Variants in WASF2 observed in about 807,000 individuals in gnomAD.
The protein encoded by WASF2 is WASP family member 2.
WASF2 carries 14 observed loss-of-function variants against 45.0 expected under a neutral mutation model. The observed-to-expected ratio is 0.31, with a 90% CI of 0.21 to 0.49. The LOEUF is 0.49. Among genes scored for constraint, WASF2 ranks in the 20% least tolerant of loss-of-function variants. WASF2 has a pLI of 0.99. For synonymous variants in WASF2, 200 were observed against 236.3 expected (o/e 0.85, Z 1.41); for missense variants, 439 against 636.1 (o/e 0.69, Z 3.33).
rs373306411 is a variant in WASF2 at position 27,461,978 on chromosome 1, CTTTT to C, written c.-44+28004_-44+28007del. On this transcript the variant is annotated intron_variant, in intron 1 of 8. Coordinates refer to ENST00000618852, the MANE Select transcript of WASF2 (RefSeq NM_006990.5). ...CACACGGCCACTCACTATTTTATTA[CTTTT>C]TTTTTTTTTTTTTGAGATGGAGTCT... Among the ~76,000 whole-genome samples the C allele has an allele frequency of 2.3e-5, 3 of 132,852 alleles. No individual in the cohort carries two copies. The Admixed American group carries it at 2.3e-4, about 10-fold the overall frequency. The allele number at this position is 132,852 out of a possible 152,430, so 87.2% of individuals were successfully genotyped here.
rs199816007 is a variant in WASF2 at position 27,418,412 on chromosome 1, T to C, written c.276A>G (p.Gln92=). The change falls in exon 4 of 9, where the codon CAA becomes CAG. Residue 92 remains glutamine, a synonymous_variant. Transcript: ENST00000618852. The stretch of plus-strand genomic sequence containing the variant: ...TGAAGGCTTTTCGGGTGTTGATTCC[T>C]TGCAGTGACACTGAGAGAAGATGGA... ...LDPKEEEVSL[Q]GINTRKAFRS... is the part of the protein sequence containing the mutation. The C allele has an allele frequency of 1.9e-6, 3 of 1,614,236 alleles. No individual in the cohort carries two copies. The highest frequency in any genetic ancestry group is 2.2e-5 in the South Asian group (2 of 91,088).
intron 5 of WASF2, among the ~76,000 whole-genome samples, chr1:27,415,634 G>A (rs776253782): frequency 6.6e-6 from 1 of 152,146 alleles, no homozygotes; most frequent in African/African-American, 2.4e-5. Flanking sequence ...GCTGATCTCT[G>A]AGAAATGAGC....
Position 27,418,948 on chromosome 1 carries a change from T to C in WASF2, c.265+6A>G. The C allele has an allele frequency of 1.9e-6, 3 of 1,613,492 alleles. No homozygotes were observed. The highest frequency in any genetic ancestry group is 2.5e-6 in the Non-Finnish European group (3 of 1,179,550). ...AGCCTGCAAATGCTGAGCTCAGCTT[T>C]CTTACCTTCTTCTTCCTTGGGATCC... On this transcript the variant is annotated splice_donor_region_variant and intron_variant, in intron 3 of 8. Coordinates refer to ENST00000618852, the MANE Select transcript of WASF2 (RefSeq NM_006990.5).
intron 1 of WASF2, among the ~76,000 whole-genome samples, chr1:27,450,807 CCTT>C (rs1166325754): frequency 5.9e-5 from 9 of 152,000 alleles, no homozygotes; most frequent in South Asian, 2.1e-4. Flanking sequence ...CCTCCTTCTC[CCTT>C]CTTTTCTGTT....
chr1:27,462,110 T>C (rs1369938505), intron 1 of WASF2, among the ~76,000 whole-genome samples: 1 of 151,870 alleles, frequency 6.6e-6, no homozygotes, highest in Non-Finnish European at 1.5e-5. Context: ...CCCAAGTAGC[T>C]GGGACTAAAG....
At chr1:27,408,932 A>G (rs2016716724) in intron 8 of WASF2, among the ~76,000 whole-genome samples, 1 of 152,142 alleles carries the variant, frequency 6.6e-6, no homozygotes, top group South Asian at 2.1e-4. Context: ...CGAAGGGCAG[A>G]GCAGTGGAGA....
intron 6 of WASF2, among the ~76,000 whole-genome samples, chr1:27,413,563 A>C (rs1423835960): frequency 6.6e-6 from 1 of 152,162 alleles, no homozygotes; most frequent in Non-Finnish European, 1.5e-5. Context: ...AAAATCCCCA[A>C]GGCCTGGAGC....
intron 1 of WASF2, among the ~76,000 whole-genome samples, chr1:27,489,728 A>T (rs1373584970): frequency 4.6e-5 from 7 of 152,234 alleles, no homozygotes; most frequent in African/African-American, 1.7e-4. Flanking sequence ...GAACCAGGTC[A>T]GGCCGGGACA....
intron 4 of WASF2, among the ~76,000 whole-genome samples, chr1:27,416,879 G>A (rs1244891794): frequency 6.6e-6 from 1 of 152,196 alleles, no homozygotes; most frequent in African/African-American, 2.4e-5. Flanking sequence ...CATGGATAAG[G>A]TCCTCTCACT....
intron 2 of WASF2, among the ~76,000 whole-genome samples, chr1:27,423,997 C>T (rs537004000): frequency 2.0e-4 from 30 of 152,290 alleles, no homozygotes; most frequent in African/African-American, 7.0e-4. Context: ...AAAGTGCTGG[C>T]TGGCTGTGCC....
intron 2 of WASF2, among the ~76,000 whole-genome samples, chr1:27,428,348 G>T (rs568158572): frequency 1.3e-5 from 2 of 152,318 alleles, no homozygotes; most frequent in East Asian, 1.9e-4. Flanking sequence ...TGGCACATTT[G>T]AGGCTTCAAC....
chr1:27,419,570 G>A (rs956316047), intron 2 of WASF2, among the ~76,000 whole-genome samples: 7 of 152,058 alleles, frequency 4.6e-5, no homozygotes, highest in Non-Finnish European at 7.4e-5. Context: ...AGCCAAGACC[G>A]AGCCACTGCA....
At chr1:27,448,094 T>C (rs2017333839) in intron 1 of WASF2, among the ~76,000 whole-genome samples, 3 of 152,240 alleles carry the variant, frequency 2.0e-5, no homozygotes, top group Admixed American at 2.0e-4. Context: ...GGGCTCTCCC[T>C]CTGACCTCTT....
chr1:27,438,435 C>T (rs1054339030), intron 1 of WASF2, among the ~76,000 whole-genome samples: 1 of 152,194 alleles, frequency 6.6e-6, no homozygotes, highest in African/African-American at 2.4e-5. Flanking sequence ...ACCTGGCTAG[C>T]TGTGTAACCA....
At chr1:27,473,537 G>A (rs758027914) in intron 1 of WASF2, among the ~76,000 whole-genome samples, 6 of 151,556 alleles carry the variant, frequency 4.0e-5, no homozygotes, top group Non-Finnish European at 7.4e-5. Context: ...GGAAAGAGGG[G>A]TATTGGAAGA....
intron 2 of WASF2, among the ~76,000 whole-genome samples, chr1:27,425,967 G>T (rs1173127132): frequency 1.3e-5 from 2 of 151,902 alleles, no homozygotes; most frequent in Non-Finnish European, 2.9e-5. Flanking sequence ...AGGGACCCGA[G>T]ATCTCGCCAT....
intron 1 of WASF2, among the ~76,000 whole-genome samples, chr1:27,471,290 A>C (rs2017684648): frequency 6.9e-6 from 1 of 144,514 alleles, no homozygotes; most frequent in Non-Finnish European, 1.5e-5. Flanking sequence ...GCTTGCAGTG[A>C]GCCGAGATCC....
At chr1:27,434,477 G>A (rs1256958941) in intron 1 of WASF2, among the ~76,000 whole-genome samples, 2 of 152,126 alleles carry the variant, frequency 1.3e-5, no homozygotes. Flanking sequence ...CACACAATCA[G>A]AGGCACATTT....
Position 27,410,047 on chromosome 1 carries a change from T to C in WASF2, c.984A>G (p.Pro328=). Residue 328 remains proline (P), a synonymous_variant, in exon 8 of 9, where the codon CCA becomes CCG. Transcript: ENST00000618852. The surrounding 1 kb of genome is among the most constrained non-coding windows in gnomAD (Gnocchi z 4.2). ...GTGGTGGAGGTGGGATGCCTATCAT[T>C]GGAGGCGGAGGTGGCGGAGGGGCAG... ...PPPAPPPPPP[P]MIGIPPPPPP... is the part of the protein sequence containing the mutation. The C allele has an allele frequency of 6.2e-7, 1 of 1,612,720 alleles. No individual in the cohort carries two copies.
Sources: allele counts gnomAD v4.1 joint callset (sites outside exome capture counted in the v4.1 genomes callset), GRCh38; gene constraint gnomAD v4.1.1; non-coding constraint Gnocchi (gnomAD v3.1); transcripts MANE v1.5; gene names NCBI Gene and HGNC (gene_info 2026-07-23, HGNC 2026-07-21).